Variants in ZFHX3 observed in about 807,000 individuals in gnomAD.
The protein encoded by ZFHX3 is zinc finger homeobox protein 3.
A neutral mutation model predicts 279.1 loss-of-function variants in ZFHX3; 42 were observed. The ratio of observed to expected loss-of-function variants is 0.15; its 90% confidence interval spans 0.12 to 0.19. The LOEUF (loss-of-function observed/expected upper bound fraction) is 0.19. Among genes scored for constraint, ZFHX3 ranks in the 10% least tolerant of loss-of-function variants. The pLI, the probability that ZFHX3 is intolerant of heterozygous loss-of-function variation, is 1.00. For synonymous variants in ZFHX3, 2,293 were observed against 1,957.8 expected, an observed-to-expected ratio of 1.17 and a Z score of -4.52; for missense variants, 4,981 against 4,754.0, an observed-to-expected ratio of 1.05 and a Z score of -1.40.
At chr16:73,372,924 T>C (rs1359194216) in intron 3 of ZFHX3, among the ~76,000 whole-genome samples, 2 of 152,082 alleles carry the variant, frequency 1.3e-5, no homozygotes, top group Admixed American at 6.6e-5. Context: ...CACACACACC[T>C]CTTCCTGGCT....
intron 9 of ZFHX3, chr16:72,789,972 T>G (rs1400104503): frequency 1.3e-5 from 2 of 152,312 alleles, no homozygotes; most frequent in African/African-American, 4.8e-5. Context: ...TGCCTATGGA[T>G]AGCAAAGGTC....
At chr16:73,281,031 G>C (rs28868312) in intron 4 of ZFHX3, among the ~76,000 whole-genome samples, 1 of 38,150 alleles carries the variant, frequency 2.6e-5, no homozygotes, top group African/African-American at 7.5e-5. Context: ...AGAGGAGAGG[G>C]GAGGGGAGGG....
chr16:73,020,335 AG>A (rs1964255950), intron 1 of ZFHX3, among the ~76,000 whole-genome samples: 1 of 152,238 alleles, frequency 6.6e-6, no homozygotes, highest in African/African-American at 2.4e-5. Context: ...AACCACGAAG[AG>A]GGGTGATGTT....
At chr16:73,753,122 C>T (rs997333604) in intron 1 of ZFHX3, among the ~76,000 whole-genome samples, 4 of 152,104 alleles carry the variant, frequency 2.6e-5, no homozygotes, top group Non-Finnish European at 5.9e-5. Flanking sequence ...CACAAGAAGG[C>T]TGTGATGTGC....
At chr16:73,050,975 T>C (rs755443278), upstream of ZFHX3, among the ~76,000 whole-genome samples, 5 of 152,168 alleles carry the variant, frequency 3.3e-5, no homozygotes, top group Non-Finnish European at 5.9e-5. Flanking sequence ...ATTACAATGA[T>C]TCTACCGAGC....
chr16:73,791,692 G>A (rs568850624), intron 1 of ZFHX3, among the ~76,000 whole-genome samples: 1 of 152,212 alleles, frequency 6.6e-6, no homozygotes, highest in African/African-American at 2.4e-5. Context: ...CAAAGTGCTG[G>A]GATTACAGGC....
At chr16:72,907,523 G>A (rs1393415365) in intron 3 of ZFHX3, among the ~76,000 whole-genome samples, 3 of 143,320 alleles carry the variant, frequency 2.1e-5, no homozygotes, top group African/African-American at 2.6e-5. Context: ...ACCGGTTCTC[G>A]GTTTCCAAAG....
intron 3 of ZFHX3, among the ~76,000 whole-genome samples, chr16:73,435,065 A>ACTGGCTGG (rs752512316): frequency 6.6e-6 from 1 of 151,950 alleles, no homozygotes; most frequent in East Asian, 1.9e-4. Flanking sequence ...TATTGTTTGA[A>ACTGGCTGG]CTGGCTGGCT....
intron 5 of ZFHX3, among the ~76,000 whole-genome samples, chr16:73,165,983 G>T (rs1168547241): frequency 6.6e-6 from 1 of 152,176 alleles, no homozygotes; most frequent in Non-Finnish European, 1.5e-5. Flanking sequence ...GTAATTTAAT[G>T]AGCAGAAATA....
At chr16:72,962,474 T>C (rs138935341) in intron 1 of ZFHX3, among the ~76,000 whole-genome samples, 2 of 152,264 alleles carry the variant, frequency 1.3e-5, no homozygotes, top group East Asian at 3.9e-4. Context: ...AGCCCACCCA[T>C]TCACGGGGAG....
At chr16:73,442,811 TGGGTG>T (rs1328415023) in intron 3 of ZFHX3, among the ~76,000 whole-genome samples, 1 of 152,162 alleles carries the variant, frequency 6.6e-6, no homozygotes, top group Non-Finnish European at 1.5e-5. Flanking sequence ...GCTTTGGCAA[TGGGTG>T]TTTGGGAAAT....
At chr16:73,603,820 C>CT (rs1464143892) in intron 2 of ZFHX3, among the ~76,000 whole-genome samples, 1 of 137,188 alleles carries the variant, frequency 7.3e-6, no homozygotes, top group Admixed American at 7.7e-5. Flanking sequence ...CTCACCCAGG[C>CT]TGGAGTGCAG....
chr16:72,927,341 C>T (rs1294414596), intron 3 of ZFHX3, among the ~76,000 whole-genome samples: 1 of 152,208 alleles, frequency 6.6e-6, no homozygotes, highest in Non-Finnish European at 1.5e-5. Context: ...CCCATCGAGT[C>T]TTTCCTTAAC....
chr16:73,244,316 A>G lies in ZFHX3; in HGVS notation c.-1104+12731T>C, dbSNP rs552901826. On this transcript the variant is annotated intron_variant, in intron 5 of 17. Transcript: ENST00000641206. ...AAAGGGGTGGGCGGATTTGGGGTAC[A>G]GGACGCCTTCCACTGTGAAGAAGAC... 2.0e-5 allele frequency among the ~76,000 whole-genome samples: 3 copies of G among 152,238 alleles called. No homozygotes were observed. In the East Asian group the frequency reaches 5.8e-4, roughly 29 times the overall value.
chr16:73,791,583 C>T (rs1312068987), intron 1 of ZFHX3, among the ~76,000 whole-genome samples: 2 of 152,078 alleles, frequency 1.3e-5, no homozygotes, highest in South Asian at 2.1e-4. Context: ...CACCACCATG[C>T]CCAGCTAATT....
chr16:73,534,188 G>C (rs965102621), intron 2 of ZFHX3, among the ~76,000 whole-genome samples: 2 of 152,084 alleles, frequency 1.3e-5, no homozygotes, highest in Non-Finnish European at 2.9e-5. Context: ...TCCAGCCATG[G>C]TGAATTCTTC....
chr16:72,909,185 T>C (rs904489829), intron 3 of ZFHX3, among the ~76,000 whole-genome samples: 3 of 152,194 alleles, frequency 2.0e-5, no homozygotes, highest in African/African-American at 7.2e-5. Flanking sequence ...CTAGAATTCA[T>C]AAGAATACAG....
At chr16:73,001,771 G>T (rs557205516) in intron 1 of ZFHX3, among the ~76,000 whole-genome samples, 1 of 151,782 alleles carries the variant, frequency 6.6e-6, no homozygotes, top group Non-Finnish European at 1.5e-5. Flanking sequence ...AGTGAGCCCT[G>T]ACTGCACCAC....
intron 2 of ZFHX3, among the ~76,000 whole-genome samples, chr16:73,488,129 G>C (rs929688499): frequency 6.6e-6 from 1 of 152,198 alleles, no homozygotes; most frequent in African/African-American, 2.4e-5. Flanking sequence ...CTGGTACAAG[G>C]TCCTCACAAA....
Sources: allele counts gnomAD v4.1 joint callset (sites outside exome capture counted in the v4.1 genomes callset), GRCh38; gene constraint gnomAD v4.1.1; transcripts MANE v1.5; gene names NCBI Gene and HGNC (gene_info 2026-07-23, HGNC 2026-07-21).